TENM2: variants seen among roughly 807,000 people sequenced by gnomAD.
TENM2 encodes the protein teneurin transmembrane protein 2.
TENM2 carries 52 observed loss-of-function variants against 245.2 expected under a neutral mutation model. The observed-to-expected ratio is 0.21, with a 90% CI of 0.17 to 0.27. TENM2 has a LOEUF of 0.27. TENM2 is among the 10% of genes least tolerant of loss of function. The pLI, the probability that TENM2 is intolerant of heterozygous loss-of-function variation, is 1.00. For synonymous variants in TENM2, 1,363 were observed against 1,438.9 expected, an observed-to-expected ratio of 0.95 and a Z score of 1.19; for missense variants, 3,046 against 3,666.8, an observed-to-expected ratio of 0.83 and a Z score of 4.37.
chr5:167,980,395 G>C (rs972851689), intron 4 of TENM2, among the ~76,000 whole-genome samples: 4 of 152,260 alleles, frequency 2.6e-5, no homozygotes, highest in Non-Finnish European at 2.9e-5. Context: ...TGAAAGACCT[G>C]AGAAAGAGGA....
intron 19 of TENM2, 67 bp from the exon 22 acceptor site, chr5:168,211,667 T>C: frequency 9.5e-7 from 1 of 1,052,924 alleles, no homozygotes; most frequent in Non-Finnish European, 1.4e-6. Context: ...AATGTTATGT[T>C]TGCTTTATCA....
At chr5:166,979,891 A>T in the TENM2 span, among the ~76,000 whole-genome samples, 1 of 152,030 alleles carries the variant, frequency 6.6e-6, no homozygotes, top group African/African-American at 2.4e-5. Flanking sequence ...TTTAGGATGC[A>T]TTTTAACGTT....
intron 12 of TENM2, among the ~76,000 whole-genome samples, chr5:168,153,592 A>G (rs1246692506): frequency 3.9e-5 from 6 of 152,194 alleles, no homozygotes; most frequent in Non-Finnish European, 1.5e-5. Context: ...ACAGAGACAA[A>G]TGTGACATGA....
At chr5:167,082,150 T>C in the TENM2 span, among the ~76,000 whole-genome samples, 1 of 152,186 alleles carries the variant, frequency 6.6e-6, no homozygotes, top group Admixed American at 6.5e-5. Context: ...CATGTTTTGT[T>C]CTTCTTATTA....
chr5:168,102,247 AT>A (rs1793880596), intron 9 of TENM2, among the ~76,000 whole-genome samples: 1 of 152,020 alleles, frequency 6.6e-6, no homozygotes. Flanking sequence ...CTAATTTTGT[AT>A]GTTTAGTAAA....
At chr5:167,888,238 G>A (rs1774452027) in intron 3 of TENM2, among the ~76,000 whole-genome samples, 1 of 152,146 alleles carries the variant, frequency 6.6e-6, no homozygotes, top group Non-Finnish European at 1.5e-5. Flanking sequence ...AGCTCCCTAT[G>A]TCTTCTCTAT....
intron 2 of TENM2, among the ~76,000 whole-genome samples, chr5:167,592,582 T>G (rs1480089283): frequency 6.6e-6 from 1 of 152,194 alleles, no homozygotes; most frequent in Admixed American, 6.5e-5. Flanking sequence ...TGAAGTTGTT[T>G]TACTTACACA....
At chr5:168,157,010 A>G (rs950453697) in intron 12 of TENM2, among the ~76,000 whole-genome samples, 3 of 152,194 alleles carry the variant, frequency 2.0e-5, no homozygotes, top group Admixed American at 2.0e-4. Flanking sequence ...GGTGACAGTA[A>G]AATGTCTTAA....
At chr5:168,126,685 C>A in intron 11 of TENM2, 69 bp from the exon 14 acceptor site, 2 of 1,336,206 alleles carry the variant, frequency 1.5e-6, no homozygotes, top group Non-Finnish European at 2.1e-6. Flanking sequence ...GGGCCATGTG[C>A]GTGGTCTGGA....
At chr5:168,192,095 A>T (rs1433036265) in intron 14 of TENM2, among the ~76,000 whole-genome samples, 2 of 152,160 alleles carry the variant, frequency 1.3e-5, no homozygotes, top group Non-Finnish European at 2.9e-5. Context: ...GGGCTCGTAA[A>T]CCTCATTTTC....
At chr5:167,580,388 A>T (rs9313385) in intron 2 of TENM2, among the ~76,000 whole-genome samples, 1 of 152,062 alleles carries the variant, frequency 6.6e-6, no homozygotes, top group Admixed American at 6.5e-5. Context: ...CTGTAGCTGC[A>T]TATATGCTGT....
chr5:167,224,948 A>G, the TENM2 span, among the ~76,000 whole-genome samples: 11 of 151,868 alleles, frequency 7.2e-5, no homozygotes, highest in East Asian at 1.5e-3. Context: ...TAAGTATTTT[A>G]TTATTTTTCA....
At chr5:167,082,578 C>A in the TENM2 span, among the ~76,000 whole-genome samples, 1 of 152,176 alleles carries the variant, frequency 6.6e-6, no homozygotes. Context: ...AGCCACCATA[C>A]ACAGCCGAAG....
the TENM2 span, among the ~76,000 whole-genome samples, chr5:167,169,369 T>G: frequency 6.6e-6 from 1 of 152,198 alleles, no homozygotes; most frequent in East Asian, 1.9e-4. Context: ...TCATGGTCAG[T>G]ATACATTAAA....
chr5:167,019,907 T>C, the TENM2 span, among the ~76,000 whole-genome samples: 1 of 152,138 alleles, frequency 6.6e-6, no homozygotes, highest in East Asian at 1.9e-4. Flanking sequence ...CAAGAGCAAG[T>C]AAATAATTTA....
chr5:167,239,580 G>A, the TENM2 span, among the ~76,000 whole-genome samples: 23 of 152,212 alleles, frequency 1.5e-4, no homozygotes, highest in Admixed American at 9.8e-4. Context: ...TCACACCAAC[G>A]AGGTACCTTT....
At position 168,126,802 on chromosome 5, in the gene TENM2, C is replaced by G. The variant is rs773599429; in HGVS notation, c.2258C>G (p.Ala753Gly). The G allele has an allele frequency of 1.4e-5, 22 of 1,613,178 alleles. No homozygotes were observed. The highest frequency in any genetic ancestry group is 6.7e-5 in the African/African-American group (5 of 74,912). ...ACTCACGGCGTCTGCATCGGGGGAG[C>G]CTGCCGCTGTGAAGAGGGCTGGACA... Residue 753 changes from alanine (A) to glycine (G), a missense_variant, in exon 12 of 29, where the codon GCC becomes GGC. Around this residue, in one of 2 missense-constraint regions of TENM2, gnomAD observed 2,704 missense variants for 3,331.9 expected, o/e 0.81. Coordinates refer to ENST00000518659, the Ensembl canonical transcript of TENM2.
exon 11 of TENM2, chr5:168,124,885 G>A (rs1451936025): frequency 1.2e-6 from 2 of 1,612,988 alleles, no homozygotes; most frequent in Non-Finnish European, 8.5e-7. Context: ...CAGCCACGGA[G>A]TCTGTGTGAA....
chr5:166,989,439 T>A, the TENM2 span, among the ~76,000 whole-genome samples: 1 of 151,826 alleles, frequency 6.6e-6, no homozygotes, highest in African/African-American at 2.4e-5. Flanking sequence ...TTTGTATTTT[T>A]AGTAGAGATG....
Sources: gnomAD v4.1 joint callset for allele counts (sites outside exome capture counted in the v4.1 genomes callset) on GRCh38, gnomAD v4.1.1 for gene constraint, gnomAD v4.1.1 regional missense constraint, MANE v1.5 for transcripts, NCBI Gene and HGNC (gene_info 2026-07-23, HGNC 2026-07-21) for gene names.